LGI2: variants seen among roughly 807,000 people sequenced by gnomAD.
LGI2 encodes the protein leucine-rich repeat LGI family member 2.
Under a neutral mutation model 52.0 loss-of-function variants are expected in LGI2, and 30 were observed. The observed-to-expected ratio is 0.58, with a 90% confidence interval of 0.43 to 0.78. The LOEUF (loss-of-function observed/expected upper bound fraction) is 0.78. Among genes scored for constraint, LGI2 ranks in the 30% least tolerant of loss-of-function variants. The probability of loss-of-function intolerance (pLI) is 0.00; values close to 1 mark genes in which losing one functional copy is unlikely to be tolerated. For missense variants in LGI2, 573 were observed against 692.5 expected (o/e 0.83, Z 1.94); for synonymous variants, 270 against 271.8 (o/e 0.99, Z 0.06).
At chr4:25,020,907 G>C (rs1477886621) in intron 4 of LGI2, among the ~76,000 whole-genome samples, 1 of 152,140 alleles carries the variant, frequency 6.6e-6, no homozygotes, top group African/African-American at 2.4e-5. Context: ...TATGTAATCA[G>C]ACTAAAGCTA....
At chr4:25,008,897 C>T (rs1427329934) in intron 7 of LGI2, among the ~76,000 whole-genome samples, 3 of 152,348 alleles carry the variant, frequency 2.0e-5, no homozygotes, top group South Asian at 2.1e-4. Flanking sequence ...GCTCTGGCCC[C>T]AGCCACACCC....
intron 6 of LGI2, among the ~76,000 whole-genome samples, chr4:25,015,984 C>T (rs538539122): frequency 2.0e-5 from 3 of 151,832 alleles, no homozygotes; most frequent in Admixed American, 6.6e-5. Flanking sequence ...GAAAGCCTAG[C>T]GCTGACTTTC....
At chr4:25,016,531 A>T (rs749259690) in intron 6 of LGI2, among the ~76,000 whole-genome samples, 3 of 152,248 alleles carry the variant, frequency 2.0e-5, no homozygotes, top group African/African-American at 7.2e-5. Context: ...CTAACCTCGT[A>T]GTGGCCTCAG....
At chr4:25,027,044 G>C (rs1264576672) in intron 2 of LGI2, 105 bp from the exon 3 acceptor site, 2 of 870,240 alleles carry the variant, frequency 2.3e-6, no homozygotes, top group Non-Finnish European at 3.8e-6. Flanking sequence ...GCAAACATGA[G>C]CTCTTCTTAG....
chr4:25,027,010 C>A lies in LGI2; in HGVS notation c.270-71G>T. On this transcript the variant is annotated intron_variant, in intron 2 of 7. Coordinates refer to ENST00000382114, the MANE Select transcript of LGI2 (RefSeq NM_018176.4). ...TCACATGGTAAAGCCATTTCTCTTT[C>A]CTTTGCTACGTTTTGATCTGTGGGC... 11 of 1,192,274 alleles carry A rather than the reference C, an allele frequency of 9.2e-6. No individual in the cohort carries two copies. In the South Asian group the frequency reaches 1.3e-4, roughly 15 times the overall value. 73.9% of individuals were successfully genotyped at this position (1,192,274 alleles called of 1,614,324 possible).
intron 7 of LGI2, among the ~76,000 whole-genome samples, chr4:25,008,386 C>G (rs1056931528): frequency 1.3e-5 from 2 of 151,934 alleles, no homozygotes; most frequent in African/African-American, 4.8e-5. Flanking sequence ...AACCCCGTCT[C>G]TACTAAAAAT....
chr4:25,024,406 C>T (rs1386883383), intron 4 of LGI2, among the ~76,000 whole-genome samples: 5 of 152,064 alleles, frequency 3.3e-5, no homozygotes, highest in East Asian at 1.9e-4. Context: ...CCCAGCTACT[C>T]GGGAGGCTGA....
intron 3 of LGI2, among the ~76,000 whole-genome samples, 192 bp downstream of exon 3, chr4:25,026,676 C>T (rs963381036): frequency 3.3e-5 from 5 of 152,182 alleles, no homozygotes; most frequent in African/African-American, 1.2e-4. Flanking sequence ...CTCTTTGTCT[C>T]CAGCCTCCTC....
intron 7 of LGI2, among the ~76,000 whole-genome samples, chr4:25,005,078 C>A (rs190206459): frequency 1.3e-4 from 20 of 152,186 alleles, no homozygotes; most frequent in Non-Finnish European, 2.5e-4. Flanking sequence ...TATGAGGTAC[C>A]TAGAGCAGTC....
chr4:25,004,326 C>G lies in LGI2; in HGVS notation c.821-58G>C, dbSNP rs750409855. ...GCAACTACAGCTAAAAACGCATCTC[C>G]GCTTGTACTCTTATACACTGCTGGT... On this transcript the variant is annotated intron_variant, in intron 7 of 7. Transcript: ENST00000382114. The surrounding 1 kb of genome is among the most constrained non-coding windows in gnomAD (Gnocchi z 4.6). 3 of 1,437,468 alleles carry G rather than the reference C, an allele frequency of 2.1e-6. No homozygotes were observed. The East Asian group carries it at 6.8e-5, about 33-fold the overall frequency. 89.0% of individuals were successfully genotyped at this position (1,437,468 alleles called of 1,614,324 possible).
At chr4:25,028,464 C>T (rs1372685764) in intron 2 of LGI2, 43 bp downstream of exon 2, 1 of 1,583,822 alleles carries the variant, frequency 6.3e-7, no homozygotes, top group Non-Finnish European at 8.6e-7. Flanking sequence ...AAGGATGGCA[C>T]CTCAGGGCCC....
At chr4:25,019,105 T>C in intron 5 of LGI2, 62 bp downstream of exon 5, 1 of 1,019,538 alleles carries the variant, frequency 9.8e-7, no homozygotes, top group Non-Finnish European at 1.6e-6. Flanking sequence ...GAGAGGGGAT[T>C]GAAAGACATG....
Position 24,999,876 on chromosome 4 carries a change from A to G in LGI2, c.*3575T>C, listed in dbSNP as rs1475013941. ...CACCACTCGTGCATTCAGGTTTTGA[A>G]TTTTTCCTTCACAGATCTCTTCTTG... is the stretch of plus-strand genomic sequence containing the variant. On this transcript the variant is annotated 3_prime_UTR_variant, in exon 8 of 8. Transcript: ENST00000382114. 1 of 455,930 alleles carries G rather than the reference A, an allele frequency of 2.2e-6. No individual in the cohort carries two copies. The highest frequency in any genetic ancestry group is 4.4e-6 in the Non-Finnish European group (1 of 226,890). 28.2% of individuals were successfully genotyped at this position (455,930 alleles called of 1,614,324 possible). A position where few individuals can be genotyped will look rare whatever the true frequency, so the allele number is the denominator to read the frequency against.
chr4:25,009,381 C>T (rs1370787845), intron 7 of LGI2, among the ~76,000 whole-genome samples: 2 of 152,126 alleles, frequency 1.3e-5, no homozygotes, highest in Non-Finnish European at 2.9e-5. Context: ...CCCTCCAATC[C>T]CACAGGTCTT....
intron 6 of LGI2, 43 bp from the exon 7 acceptor site, chr4:25,012,542 C>A (rs781482684): frequency 6.3e-7 from 1 of 1,596,516 alleles, no homozygotes; most frequent in Non-Finnish European, 8.6e-7. Context: ...ATAAAATCTC[C>A]TGTAGGGATT....
chr4:25,027,610 A>C (rs570863767), intron 2 of LGI2, among the ~76,000 whole-genome samples: 1 of 152,342 alleles, frequency 6.6e-6, no homozygotes, highest in South Asian at 2.1e-4. Flanking sequence ...ATAAGATTTC[A>C]AGAACAAAAG....
At chr4:25,028,639 T>G in intron 1 of LGI2, 61 bp from the exon 2 acceptor site, 2 of 1,443,660 alleles carry the variant, frequency 1.4e-6, no homozygotes, top group Non-Finnish European at 1.9e-6. Context: ...CCATGCAGGG[T>G]GGGTAATCAA....
chr4:25,017,269 C>T (rs1448366261), intron 6 of LGI2, among the ~76,000 whole-genome samples: 2 of 152,138 alleles, frequency 1.3e-5, no homozygotes, highest in African/African-American at 4.8e-5. Context: ...TTGGGCCAGG[C>T]GCAGTGGTTC....
chr4:25,023,411 C>T (rs1311458703), intron 4 of LGI2, among the ~76,000 whole-genome samples: 7 of 152,146 alleles, frequency 4.6e-5, no homozygotes, highest in South Asian at 2.1e-4. Context: ...GGACATTGTC[C>T]GGTATCAACT....
Sources: allele counts gnomAD v4.1 joint callset (sites outside exome capture counted in the v4.1 genomes callset), GRCh38; gene constraint gnomAD v4.1.1; non-coding constraint Gnocchi (gnomAD v3.1); transcripts MANE v1.5; gene names NCBI Gene and HGNC (gene_info 2026-07-23, HGNC 2026-07-21).